Variants in SYT16 observed in about 807,000 individuals in gnomAD.
The protein encoded by SYT16 is synaptotagmin-16.
Under a neutral mutation model 61.4 loss-of-function variants are expected in SYT16, and 42 were observed. That is an observed-to-expected ratio of 0.68 (90% CI 0.53 to 0.89). The LOEUF (loss-of-function observed/expected upper bound fraction) is 0.89. Ranked by LOEUF, SYT16 falls within the 40% of genes least tolerant of loss-of-function variation. SYT16 has a pLI of 0.00. For synonymous variants in SYT16, 314 were observed against 302.3 expected (o/e 1.04, Z -0.40); for missense variants, 804 against 807.3 (o/e 1.00, Z 0.05).
rs896003465 is a variant in SYT16, at chr14:62,111,184, G to A, written c.*10477G>A. The A allele has an allele frequency of 7.2e-5, 11 of 151,912 alleles. No homozygotes were observed. The highest frequency in any genetic ancestry group is 2.9e-5 in the Non-Finnish European group (2 of 67,894). 9.4% of individuals were successfully genotyped at this position (151,912 alleles called of 1,614,324 possible). A position where few individuals can be genotyped will look rare whatever the true frequency, so the allele number is the denominator to read the frequency against. On this transcript the variant is annotated 3_prime_UTR_variant, in exon 8 of 8. Coordinates refer to ENST00000683842, the MANE Select transcript of SYT16 (RefSeq NM_001367656.1). The stretch of plus-strand genomic sequence containing the variant: ...TATGCATACTGTGTACAGCTCTGTT[G>A]TTCTAAAATATTTTATTGGTTTTCC...
intron 3 of SYT16, among the ~76,000 whole-genome samples, chr14:61,998,160 C>G (rs1217338018): frequency 2.0e-5 from 3 of 151,990 alleles, no homozygotes; most frequent in Non-Finnish European, 4.4e-5. Flanking sequence ...CTCAGGCAGT[C>G]TCATACTAAC....
intron 3 of SYT16, among the ~76,000 whole-genome samples, chr14:62,032,903 T>A (rs954602802): frequency 6.6e-6 from 1 of 152,020 alleles, no homozygotes; most frequent in Admixed American, 6.6e-5. Context: ...GTTTTGGGTA[T>A]AAACCCATCT....
chr14:61,961,201 C>T (rs1351749114), intron 1 of SYT16, among the ~76,000 whole-genome samples: 1 of 152,044 alleles, frequency 6.6e-6, no homozygotes, highest in East Asian at 1.9e-4. Context: ...TTCTGGACAT[C>T]AATCCTGGTA....
At chr14:61,832,812 A>G (rs1431654313) in intron 1 of SYT16, among the ~76,000 whole-genome samples, 1 of 152,168 alleles carries the variant, frequency 6.6e-6, no homozygotes, top group East Asian at 1.9e-4. Flanking sequence ...TCCACTAATA[A>G]TATTTTTTAT....
At chr14:62,042,232 G>A (rs184448841) in intron 3 of SYT16, among the ~76,000 whole-genome samples, 403 of 151,962 alleles carry the variant, frequency 2.7e-3, no homozygotes, top group African/African-American at 9.2e-3. Context: ...TGAACTCCTG[G>A]CCTCAAGTGA....
chr14:61,880,514 G>T (rs1476247268), intron 1 of SYT16, among the ~76,000 whole-genome samples: 1 of 152,006 alleles, frequency 6.6e-6, no homozygotes, highest in Non-Finnish European at 1.5e-5. Context: ...ATCCTGTTGG[G>T]GTTTTGATTG....
chr14:62,090,610 G>A (rs11846930), intron 7 of SYT16, among the ~76,000 whole-genome samples: 28,289 of 152,114 alleles, frequency 0.19, 5,234 homozygotes, highest in African/African-American at 0.48. Flanking sequence ...AAATTTAGAT[G>A]AGGCACTAAC....
Position 62,078,129 on chromosome 14 carries a change from T to TGCTCTCTC in SYT16, c.994-2696_994-2689dup, listed in dbSNP as rs2056565524. Among the ~76,000 whole-genome samples, 6 of 126,160 alleles carry TGCTCTCTC rather than the reference T, an allele frequency of 4.8e-5. 1 individual carries two copies. In the South Asian group the frequency reaches 1.3e-3, roughly 27 times the overall value. The allele number at this position is 126,160 out of a possible 152,430, so 82.8% of individuals were successfully genotyped here. ...TTGCTCTCTCTCTCTCTCTCTCTAG[T>TGCTCTCTC]GCTCTCTCGCTCTCTCTCTCTCTCT... On this transcript the variant is annotated intron_variant, in intron 5 of 7. Transcript: ENST00000683842.
chr14:61,993,126 T>G (rs2052623185), intron 2 of SYT16, among the ~76,000 whole-genome samples: 1 of 152,130 alleles, frequency 6.6e-6, no homozygotes, highest in Admixed American at 6.6e-5. Flanking sequence ...AGATGCTGGC[T>G]CAAATTCAGA....
chr14:61,910,325 G>T (rs190964217), intron 1 of SYT16, among the ~76,000 whole-genome samples: 1 of 151,984 alleles, frequency 6.6e-6, no homozygotes, highest in Admixed American at 6.6e-5. Context: ...TGCAACCTCC[G>T]CCTCCCAGGT....
chr14:62,093,776 A>C (rs756098541), intron 7 of SYT16, among the ~76,000 whole-genome samples: 11 of 152,280 alleles, frequency 7.2e-5, no homozygotes, highest in South Asian at 2.1e-4. Flanking sequence ...GGCAAAATGC[A>C]CTCTTCATTA....
intron 1 of SYT16, among the ~76,000 whole-genome samples, chr14:61,838,507 C>T (rs1190803556): frequency 1.3e-5 from 2 of 152,154 alleles, no homozygotes; most frequent in Non-Finnish European, 2.9e-5. Flanking sequence ...TCCCCCAGCT[C>T]CCACCTACCC....
At chr14:62,041,272 C>T (rs894311117) in intron 3 of SYT16, among the ~76,000 whole-genome samples, 2 of 152,178 alleles carry the variant, frequency 1.3e-5, no homozygotes, top group African/African-American at 4.8e-5. Context: ...ACAAACAATA[C>T]TGTGTATCCT....
chr14:61,939,218 G>A (rs2050114048), intron 1 of SYT16, among the ~76,000 whole-genome samples: 1 of 152,152 alleles, frequency 6.6e-6, no homozygotes. Context: ...GAAGTCTGGA[G>A]GACCTTTAAT....
At chr14:62,098,045 A>G (rs916125688) in intron 7 of SYT16, among the ~76,000 whole-genome samples, 1 of 152,238 alleles carries the variant, frequency 6.6e-6, no homozygotes, top group African/African-American at 2.4e-5. Flanking sequence ...CCTGAAGTGT[A>G]ATTTCACACC....
chr14:61,829,192 G>A (rs56193531), intron 1 of SYT16, among the ~76,000 whole-genome samples: 21,615 of 152,044 alleles, frequency 0.14, 1,674 homozygotes, highest in African/African-American at 0.2. Context: ...ATATATTTAA[G>A]TATAAATCTA....
At chr14:61,976,449 C>A (rs2051806737) in intron 2 of SYT16, among the ~76,000 whole-genome samples, 1 of 152,192 alleles carries the variant, frequency 6.6e-6, no homozygotes, top group South Asian at 2.1e-4. Flanking sequence ...GAGGGCTCAG[C>A]TCCTGCAGCA....
intron 1 of SYT16, among the ~76,000 whole-genome samples, chr14:61,845,902 T>A (rs1256774082): frequency 5.9e-5 from 9 of 152,176 alleles, no homozygotes. Flanking sequence ...TTCAAGAAAA[T>A]TTTCAATTTC....
At chr14:61,854,756 G>T (rs1347450081) in intron 1 of SYT16, among the ~76,000 whole-genome samples, 1 of 152,130 alleles carries the variant, frequency 6.6e-6, no homozygotes, top group Non-Finnish European at 1.5e-5. Flanking sequence ...GTGTATATAT[G>T]TGTGTATACA....
Sources: allele counts gnomAD v4.1 joint callset (sites outside exome capture counted in the v4.1 genomes callset), GRCh38; gene constraint gnomAD v4.1.1; transcripts MANE v1.5; gene names NCBI Gene and HGNC (gene_info 2026-07-23, HGNC 2026-07-21).